Variants in FHIP1A observed in about 807,000 individuals in gnomAD.
FHIP1A encodes FHF complex subunit HOOK interacting protein 1A, also known as FHF complex subunit HOOK-interacting protein 1A.
Under a neutral mutation model 88.6 loss-of-function variants are expected in FHIP1A, and 61 were observed. The observed-to-expected ratio is 0.69, with a 90% CI of 0.56 to 0.85. FHIP1A has a LOEUF of 0.85. FHIP1A is among the 40% of genes least tolerant of loss of function. The pLI is 0.00. For missense variants in FHIP1A, 1,154 were observed against 1,273.5 expected, an observed-to-expected ratio of 0.91 and a Z score of 1.43; for synonymous variants, 478 against 496.0, an observed-to-expected ratio of 0.96 and a Z score of 0.48.
intron 3 of FHIP1A, among the ~76,000 whole-genome samples, chr4:151,552,037 A>C (rs1447374987): frequency 6.6e-6 from 1 of 152,240 alleles, no homozygotes; most frequent in African/African-American, 2.4e-5. Context: ...GACACTTTTC[A>C]AAAGAAGACA....
At chr4:151,422,664 T>C (rs1733216180) in intron 1 of FHIP1A, among the ~76,000 whole-genome samples, 1 of 152,198 alleles carries the variant, frequency 6.6e-6, no homozygotes. Context: ...GTGTTGGGAT[T>C]ACAGGTGTGA....
At chr4:151,466,702 A>G (rs191391256) in intron 2 of FHIP1A, among the ~76,000 whole-genome samples, 215 of 152,312 alleles carry the variant, frequency 1.4e-3, no homozygotes, top group African/African-American at 5.0e-3. Flanking sequence ...CTGATCTTTG[A>G]CAAACCTGAC....
At chr4:151,451,578 A>G (rs1022300522) in intron 1 of FHIP1A, among the ~76,000 whole-genome samples, 5 of 152,140 alleles carry the variant, frequency 3.3e-5, no homozygotes, top group Admixed American at 2.6e-4. Context: ...TGTGTATTGA[A>G]CTATGAAAGC....
chr4:151,543,508 C>T (rs1432587143), intron 3 of FHIP1A, among the ~76,000 whole-genome samples: 1 of 152,156 alleles, frequency 6.6e-6, no homozygotes, highest in Non-Finnish European at 1.5e-5. Flanking sequence ...AATATGGAGA[C>T]ACCAAAGAAT....
At chr4:151,479,948 A>G (rs1236303602) in intron 2 of FHIP1A, among the ~76,000 whole-genome samples, 3 of 152,026 alleles carry the variant, frequency 2.0e-5, no homozygotes, top group African/African-American at 7.2e-5. Flanking sequence ...ATTTGATTAT[A>G]TTATGTGGAG....
intron 3 of FHIP1A, among the ~76,000 whole-genome samples, chr4:151,536,411 C>G (rs1453694891): frequency 6.6e-6 from 1 of 152,106 alleles, no homozygotes; most frequent in Non-Finnish European, 1.5e-5. Context: ...TATGTGGGTC[C>G]CTTCTATTGC....
intron 13 of FHIP1A, 113 bp downstream of exon 13, chr4:151,657,011 A>C: frequency 9.0e-7 from 1 of 1,107,930 alleles, no homozygotes; most frequent in Non-Finnish European, 1.3e-6. Flanking sequence ...AAGCATTCAG[A>C]GATATTTTCA....
At chr4:151,518,291 A>G (rs2126690149) in intron 3 of FHIP1A, among the ~76,000 whole-genome samples, 1 of 152,314 alleles carries the variant, frequency 6.6e-6, no homozygotes, top group Admixed American at 6.5e-5. Context: ...ACAGGTTTGT[A>G]GCCTAGGAGC....
intron 9 of FHIP1A, among the ~76,000 whole-genome samples, chr4:151,644,741 G>A (rs975933184): frequency 1.3e-5 from 2 of 152,094 alleles, no homozygotes; most frequent in Admixed American, 1.3e-4. Flanking sequence ...CTCCTGCTCT[G>A]ATCCCTTTTG....
At chr4:151,472,814 GCA>G (rs1161536953) in intron 2 of FHIP1A, among the ~76,000 whole-genome samples, 1 of 152,110 alleles carries the variant, frequency 6.6e-6, no homozygotes, top group Non-Finnish European at 1.5e-5. Context: ...AAAACATGCA[GCA>G]CATTTAGGAC....
intron 3 of FHIP1A, among the ~76,000 whole-genome samples, chr4:151,564,728 ACTT>A (rs1361288126): frequency 6.6e-6 from 1 of 152,184 alleles, no homozygotes; most frequent in African/African-American, 2.4e-5. Context: ...TGATTTGTGT[ACTT>A]CTTCTAACAG....
chr4:151,432,021 C>G (rs1209292860), intron 1 of FHIP1A, among the ~76,000 whole-genome samples: 2 of 152,190 alleles, frequency 1.3e-5, no homozygotes, highest in African/African-American at 4.8e-5. Flanking sequence ...AGCCTTTCCT[C>G]TGGAAGAGAG....
chr4:151,415,445 T>G (rs1732854096), intron 1 of FHIP1A, among the ~76,000 whole-genome samples: 1 of 152,230 alleles, frequency 6.6e-6, no homozygotes, highest in South Asian at 2.1e-4. Context: ...CCCAAAGTGC[T>G]GGGATTACAG....
intron 7 of FHIP1A, among the ~76,000 whole-genome samples, chr4:151,589,566 T>TA (rs1734346310): frequency 6.6e-6 from 1 of 152,174 alleles, no homozygotes; most frequent in South Asian, 2.1e-4. Context: ...TAAAGAGACG[T>TA]GTGCAGTATT....
chr4:151,617,729 T>C (rs2126858329), intron 7 of FHIP1A, among the ~76,000 whole-genome samples: 1 of 152,044 alleles, frequency 6.6e-6, no homozygotes, highest in South Asian at 2.1e-4. Flanking sequence ...CTACTAAAAA[T>C]ACAAAAATTA....
At chr4:151,427,006 T>G (rs191437310) in intron 1 of FHIP1A, among the ~76,000 whole-genome samples, 1 of 152,254 alleles carries the variant, frequency 6.6e-6, no homozygotes, top group African/African-American at 2.4e-5. Context: ...AAGTGTAATA[T>G]TTCCTAAAAC....
chr4:151,432,566 T>A (rs1038628683), intron 1 of FHIP1A, among the ~76,000 whole-genome samples: 2 of 152,224 alleles, frequency 1.3e-5, no homozygotes, highest in Non-Finnish European at 2.9e-5. Context: ...ACTGGGTGGC[T>A]GTATTAGATT....
chr4:151,617,490 T>G (rs1735585481), intron 7 of FHIP1A, among the ~76,000 whole-genome samples: 1 of 152,120 alleles, frequency 6.6e-6, no homozygotes, highest in Non-Finnish European at 1.5e-5. Context: ...CAAATGCAGA[T>G]GTAAAGTCTG....
At chr4:151,568,116 G>C (rs1262431560) in intron 4 of FHIP1A, among the ~76,000 whole-genome samples, 2 of 152,170 alleles carry the variant, frequency 1.3e-5, no homozygotes, top group African/African-American at 4.8e-5. Flanking sequence ...GAATGTGCCA[G>C]TACATTGTGT....
Sources: gnomAD v4.1 joint callset for allele counts (sites outside exome capture counted in the v4.1 genomes callset) on GRCh38, gnomAD v4.1.1 for gene constraint, MANE v1.5 for transcripts, NCBI Gene and HGNC (gene_info 2026-07-23, HGNC 2026-07-21) for gene names.